Variants in RABGAP1L observed in about 807,000 individuals in gnomAD.
The protein encoded by RABGAP1L is rab GTPase-activating protein 1-like.
Under a neutral mutation model 137.7 loss-of-function variants are expected in RABGAP1L, and 63 were observed. The observed-to-expected ratio is 0.46, with a 90% CI of 0.37 to 0.56. The LOEUF is 0.56. Among genes scored for constraint, RABGAP1L ranks in the 20% least tolerant of loss-of-function variants. RABGAP1L has a pLI of 0.00. For synonymous variants in RABGAP1L, 431 were observed against 433.7 expected, an observed-to-expected ratio of 0.99 and a Z score of 0.08; for missense variants, 1,095 against 1,244.0, an observed-to-expected ratio of 0.88 and a Z score of 1.80.
intron 17 of RABGAP1L, among the ~76,000 whole-genome samples, chr1:174,708,650 A>T (rs1207808376): frequency 1.3e-5 from 2 of 152,228 alleles, no homozygotes; most frequent in Non-Finnish European, 2.9e-5. Flanking sequence ...CGCAACCTAC[A>T]GACCAGGAGA....
chr1:174,609,858 C>T (rs193167562), intron 13 of RABGAP1L, among the ~76,000 whole-genome samples: 1 of 151,972 alleles, frequency 6.6e-6, no homozygotes. Flanking sequence ...AAGTAAAGCT[C>T]AATGAGCAAA....
At chr1:174,783,933 C>T (rs1185539143) in intron 18 of RABGAP1L, among the ~76,000 whole-genome samples, 1 of 149,442 alleles carries the variant, frequency 6.7e-6, no homozygotes, top group African/African-American at 2.5e-5. Context: ...TGGTCTCCAT[C>T]TCATGACCTC....
chr1:174,822,760 G>A (rs1029479049), intron 19 of RABGAP1L, among the ~76,000 whole-genome samples: 8 of 152,198 alleles, frequency 5.3e-5, no homozygotes, highest in Non-Finnish European at 1.0e-4. Context: ...ACCTCTTTCT[G>A]TGTGGCCCGG....
chr1:174,463,611 T>C (rs1415796062), intron 13 of RABGAP1L, among the ~76,000 whole-genome samples: 2 of 151,898 alleles, frequency 1.3e-5, no homozygotes, highest in Non-Finnish European at 2.9e-5. Flanking sequence ...TGTATACATA[T>C]GTAACTAACC....
chr1:174,861,614 T>C (rs1365594277), intron 19 of RABGAP1L, among the ~76,000 whole-genome samples: 3 of 152,120 alleles, frequency 2.0e-5, no homozygotes, highest in African/African-American at 4.8e-5. Flanking sequence ...TCACTAACAA[T>C]TGTTATCTCT....
chr1:174,187,604 T>C (rs1275645221), intron 1 of RABGAP1L, among the ~76,000 whole-genome samples: 1 of 152,130 alleles, frequency 6.6e-6, no homozygotes, highest in Admixed American at 6.5e-5. Context: ...TAAAAAAGTT[T>C]TCAGATGCTA....
At chr1:174,955,561 CTT>C (rs1668388179) in intron 19 of RABGAP1L, among the ~76,000 whole-genome samples, 1 of 152,166 alleles carries the variant, frequency 6.6e-6, no homozygotes, top group South Asian at 2.1e-4. Context: ...TTTCCATTCT[CTT>C]TTGCTCTCTC....
intron 13 of RABGAP1L, among the ~76,000 whole-genome samples, chr1:174,474,433 G>C (rs1358322449): frequency 6.6e-6 from 1 of 152,110 alleles, no homozygotes; most frequent in African/African-American, 2.4e-5. Context: ...CTCTCAAAAT[G>C]TTCCTGATGT....
chr1:174,928,254 AT>A (rs1663163557), intron 19 of RABGAP1L, among the ~76,000 whole-genome samples: 1 of 152,060 alleles, frequency 6.6e-6, no homozygotes, highest in Admixed American at 6.6e-5. Context: ...TCCATAATAT[AT>A]GTCCTAACTT....
intron 14 of RABGAP1L, among the ~76,000 whole-genome samples, chr1:174,652,953 G>A (rs1396040138): frequency 1.3e-5 from 2 of 152,180 alleles, no homozygotes; most frequent in African/African-American, 4.8e-5. Flanking sequence ...TATCTCTAAG[G>A]TCCTGACTGG....
intron 13 of RABGAP1L, among the ~76,000 whole-genome samples, chr1:174,582,231 T>C (rs560525242): frequency 1.3e-5 from 2 of 151,784 alleles, no homozygotes; most frequent in Admixed American, 1.3e-4. Flanking sequence ...AAATATTAGC[T>C]GAGTGTGGTG....
rs759797208 is a variant in RABGAP1L, at chr1:174,957,426, G to C, written c.2341-31G>C. 4 of 1,552,916 alleles carry C rather than the reference G, an allele frequency of 2.6e-6. No homozygotes were observed. The African/African-American group carries it at 5.4e-5, about 21-fold the overall frequency. On this transcript the variant is annotated intron_variant, in intron 19 of 25. Coordinates refer to ENST00000681986, the MANE Select transcript of RABGAP1L (RefSeq NM_001366446.1). ...ATTTTTTTTCATAAATGGTGTCCTT[G>C]TCTAACATGGTTTTCCTCAAATCCC...
chr1:174,577,824 A>C (rs972599527), intron 13 of RABGAP1L, among the ~76,000 whole-genome samples: 3 of 152,230 alleles, frequency 2.0e-5, no homozygotes, highest in African/African-American at 7.2e-5. Flanking sequence ...TTGAAGGCCT[A>C]CTTAACTGTG....
intron 17 of RABGAP1L, among the ~76,000 whole-genome samples, chr1:174,725,893 G>A (rs1173045002): frequency 6.6e-6 from 1 of 151,824 alleles, no homozygotes; most frequent in African/African-American, 2.4e-5. Flanking sequence ...CGAGTTAATG[G>A]GTGCAACACA....
chr1:174,827,183 G>C (rs1691650597), intron 19 of RABGAP1L, among the ~76,000 whole-genome samples: 1 of 152,054 alleles, frequency 6.6e-6, no homozygotes, highest in African/African-American at 2.4e-5. Context: ...GCCCAGACTG[G>C]TGTGCAGTGG....
At chr1:174,310,154 G>A (rs1678686581) in intron 11 of RABGAP1L, among the ~76,000 whole-genome samples, 1 of 152,048 alleles carries the variant, frequency 6.6e-6, no homozygotes, top group African/African-American at 2.4e-5. Context: ...GAATATAACG[G>A]TCTATAACAG....
intron 17 of RABGAP1L, among the ~76,000 whole-genome samples, chr1:174,726,416 A>G (rs1681986417): frequency 6.6e-6 from 1 of 152,048 alleles, no homozygotes; most frequent in Admixed American, 6.6e-5. Context: ...CAGCCTTGGA[A>G]GACTTTTTAT....
chr1:174,436,163 A>G (rs530613005), intron 13 of RABGAP1L, among the ~76,000 whole-genome samples: 1 of 152,308 alleles, frequency 6.6e-6, no homozygotes, highest in South Asian at 2.1e-4. Flanking sequence ...TCCTTTGGGT[A>G]TATACCCAGT....
At chr1:174,231,487 C>G (rs1344696481) in intron 4 of RABGAP1L, 132 bp downstream of exon 4, 21 of 807,562 alleles carry the variant, frequency 2.6e-5, no homozygotes, top group African/African-American at 3.4e-5. Context: ...CATGTTTAGG[C>G]TTAGACTGTG....
Sources: gnomAD v4.1 joint callset for allele counts (sites outside exome capture counted in the v4.1 genomes callset) on GRCh38, gnomAD v4.1.1 for gene constraint, MANE v1.5 for transcripts, NCBI Gene and HGNC (gene_info 2026-07-23, HGNC 2026-07-21) for gene names.